UNC5C: variants seen among roughly 807,000 people sequenced by gnomAD.
UNC5C encodes unc-5 netrin receptor C, also known as netrin receptor UNC5C.
In UNC5C, 47 loss-of-function variants were observed where a neutral mutation model predicts 99.8. The ratio of observed to expected loss-of-function variants is 0.47; its 90% CI spans 0.37 to 0.60. UNC5C has a LOEUF of 0.60. Ranked by LOEUF, UNC5C falls within the 20% of genes least tolerant of loss-of-function variation. The pLI is 0.00. For missense variants in UNC5C, 1,062 were observed against 1,165.9 expected, an observed-to-expected ratio of 0.91 and a Z score of 1.30; for synonymous variants, 487 against 452.2, an observed-to-expected ratio of 1.08 and a Z score of -0.98.
chr4:95,514,027 C>G (rs755234347), intron 1 of UNC5C, among the ~76,000 whole-genome samples: 25 of 152,150 alleles, frequency 1.6e-4, no homozygotes, highest in Non-Finnish European at 3.4e-4. Context: ...ATCAAATTCG[C>G]TAAATTAGCC....
intron 1 of UNC5C, among the ~76,000 whole-genome samples, chr4:95,515,738 A>G (rs955545941): frequency 6.6e-6 from 1 of 152,244 alleles, no homozygotes; most frequent in African/African-American, 2.4e-5. Context: ...TTTATTTGCA[A>G]TAATGCATCC....
chr4:95,546,352 C>T (rs11097470), intron 1 of UNC5C, among the ~76,000 whole-genome samples: 20,447 of 152,138 alleles, frequency 0.13, 1,478 homozygotes, highest in African/African-American at 0.17. Context: ...AAAGTGTTAA[C>T]GGTGGCTCAA....
At chr4:95,186,920 G>A (rs1022218057) in intron 12 of UNC5C, among the ~76,000 whole-genome samples, 5 of 152,010 alleles carry the variant, frequency 3.3e-5, no homozygotes, top group African/African-American at 1.2e-4. Flanking sequence ...AGGGTCTCCC[G>A]TAGGCCATAC....
rs187041689 is a variant in UNC5C at position 95,377,966 on chromosome 4, G to T, written c.125-42335C>A. On this transcript the variant is annotated intron_variant, in intron 1 of 15. Transcript: ENST00000453304. Reference sequence around the variant, plus strand: ...ACAGCAAGTAGAGCTCATGTGAATGGGCACAGGTTCCTTCCCCACCCTCCT... The same window carrying T: ...ACAGCAAGTAGAGCTCATGTGAATGTGCACAGGTTCCTTCCCCACCCTCCT... Among the ~76,000 whole-genome samples, 521 of 152,182 alleles carry T rather than the reference G, an allele frequency of 3.4e-3. 17 individuals carry two copies. The highest frequency in any genetic ancestry group is 0.03 in the Admixed American group (455 of 15,270).
chr4:95,262,293 T>C (rs562457451), intron 4 of UNC5C, among the ~76,000 whole-genome samples: 127 of 152,322 alleles, frequency 8.3e-4, no homozygotes, highest in Non-Finnish European at 1.6e-3. Context: ...ACATAAATTT[T>C]GATGACAGAT....
chr4:95,370,876 T>C lies in UNC5C; in HGVS notation c.125-35245A>G, dbSNP rs749205555. On this transcript the variant is annotated intron_variant, in intron 1 of 15. Transcript: ENST00000453304. The stretch of plus-strand genomic sequence containing the variant: ...GTATGTCATTCAAAAGAATACGTAG[T>C]TCAAAGTGGTCATTCGTTTTTCTAA... Among the ~76,000 whole-genome samples, 82 of 152,314 alleles carry C rather than the reference T, an allele frequency of 5.4e-4. 1 individual carries two copies. The highest frequency in any genetic ancestry group is 4.6e-4 in the Admixed American group (7 of 15,296).
At chr4:95,517,360 T>A (rs1046967089) in intron 1 of UNC5C, among the ~76,000 whole-genome samples, 3 of 152,086 alleles carry the variant, frequency 2.0e-5, no homozygotes, top group African/African-American at 7.2e-5. Context: ...TTATACTGGA[T>A]TCAGGCTGAC....
chr4:95,503,881 C>T (rs1226250296), intron 1 of UNC5C, among the ~76,000 whole-genome samples: 1 of 152,098 alleles, frequency 6.6e-6, no homozygotes, highest in African/African-American at 2.4e-5. Context: ...AAATTTTTCA[C>T]TTGTATCCTT....
intron 1 of UNC5C, among the ~76,000 whole-genome samples, chr4:95,507,190 T>G (rs1287978980): frequency 6.6e-6 from 1 of 152,064 alleles, no homozygotes; most frequent in Non-Finnish European, 1.5e-5. Flanking sequence ...ATAATCATTT[T>G]CAATTCTTCT....
chr4:95,176,833 C>T (rs535385694), intron 14 of UNC5C, among the ~76,000 whole-genome samples: 60 of 152,352 alleles, frequency 3.9e-4, no homozygotes, highest in African/African-American at 1.3e-3. Flanking sequence ...GGGGGCCCCT[C>T]CCCCAGCCTC....
chr4:95,523,566 G>A (rs1281574322), intron 1 of UNC5C, among the ~76,000 whole-genome samples: 1 of 151,998 alleles, frequency 6.6e-6, no homozygotes, highest in African/African-American at 2.4e-5. Flanking sequence ...GTACTAGAGA[G>A]GGAGAGAGAG....
At chr4:95,411,742 T>G (rs958299698) in intron 1 of UNC5C, among the ~76,000 whole-genome samples, 13 of 152,202 alleles carry the variant, frequency 8.5e-5, no homozygotes, top group African/African-American at 3.1e-4. Flanking sequence ...AAGTGATATT[T>G]AGGAGAATAC....
At position 95,331,608 on chromosome 4, in the gene UNC5C, A is replaced by G. The variant is rs192785097; in HGVS notation, c.346+3802T>C. 1.3e-4 allele frequency among the ~76,000 whole-genome samples: 20 copies of G among 152,248 alleles called. No homozygotes were observed. In the East Asian group the frequency reaches 3.9e-3, roughly 29 times the overall value. ...GAACTGAGAAAGTACTGAATTTCCTAAATCTTCTCTTAGTTCTCATCTATC... is the reference window on the plus strand; with the variant it reads ...GAACTGAGAAAGTACTGAATTTCCTGAATCTTCTCTTAGTTCTCATCTATC... On this transcript the variant is annotated intron_variant, in intron 2 of 15. Transcript: ENST00000453304.
At chr4:95,183,550 G>C (rs1391588526) in intron 13 of UNC5C, among the ~76,000 whole-genome samples, 1 of 152,114 alleles carries the variant, frequency 6.6e-6, no homozygotes, top group Non-Finnish European at 1.5e-5. Context: ...CTCTGCCCAG[G>C]ACAGGGGAAG....
chr4:95,459,122 A>G (rs3843446), intron 1 of UNC5C, among the ~76,000 whole-genome samples: 68,442 of 151,792 alleles, frequency 0.45, 15,675 homozygotes, highest in Admixed American at 0.56. Context: ...TAAAGTTACA[A>G]GGAACTCTGA....
At chr4:95,524,967 T>C (rs773364824) in intron 1 of UNC5C, among the ~76,000 whole-genome samples, 24 of 152,284 alleles carry the variant, frequency 1.6e-4, no homozygotes, top group Non-Finnish European at 1.6e-4. Context: ...CAGTTCCCCA[T>C]CTGGGTTTCA....
intron 1 of UNC5C, among the ~76,000 whole-genome samples, chr4:95,392,430 ATTTTTTTT>A: frequency 9.2e-6 from 1 of 108,994 alleles, no homozygotes; most frequent in East Asian, 2.0e-4. Flanking sequence ...GTATCAAAAC[ATTTTTTTT>A]TTTTTTAAAA....
At chr4:95,356,193 C>CAAAAAAAAAAAAAAAAAAAAA (rs59097041) in intron 1 of UNC5C, among the ~76,000 whole-genome samples, 14 of 57,996 alleles carry the variant, frequency 2.4e-4, no homozygotes, top group Non-Finnish European at 3.3e-4. Flanking sequence ...GACCCTGTAG[C>CAAAAAAAAAAAAAAAAAAAAA]AAAAAAAAAA....
intron 1 of UNC5C, among the ~76,000 whole-genome samples, chr4:95,362,654 TATATC>T (rs1744429756): frequency 6.6e-6 from 1 of 152,208 alleles, no homozygotes; most frequent in South Asian, 2.1e-4. Flanking sequence ...TCCTCACTGT[TATATC>T]ATGTGACAAC....
Sources: allele counts gnomAD v4.1 joint callset (sites outside exome capture counted in the v4.1 genomes callset), GRCh38; gene constraint gnomAD v4.1.1; transcripts MANE v1.5; gene names NCBI Gene and HGNC (gene_info 2026-07-23, HGNC 2026-07-21).